Variants in GOLGA8A observed in about 807,000 individuals in gnomAD.
GOLGA8A encodes the protein golgin A8 family member A, also known as golgin subfamily A member 8A.
Under a neutral mutation model 22.1 loss-of-function variants are expected in GOLGA8A, and 3 were observed. The ratio of observed to expected loss-of-function variants is 0.14; its 90% CI spans 0.06 to 0.35. GOLGA8A has a LOEUF of 0.35. Ranked by LOEUF, GOLGA8A falls within the 10% of genes least tolerant of loss-of-function variation. The probability of loss-of-function intolerance (pLI) is 1.00; values close to 1 mark genes in which losing one functional copy is unlikely to be tolerated. For missense variants in GOLGA8A, 16 were observed against 233.2 expected (o/e 0.07, Z 6.07); for synonymous variants, 7 against 91.7 (o/e 0.08, Z 5.28).
intron 2 of GOLGA8A, among the ~76,000 whole-genome samples, chr15:34,432,300 C>G (rs770845904): frequency 6.7e-6 from 1 of 148,680 alleles, no homozygotes; most frequent in Non-Finnish European, 1.5e-5. Flanking sequence ...CTTTACGTGC[C>G]CACCAGTGGT....
intron 1 of GOLGA8A, among the ~76,000 whole-genome samples, chr15:34,436,433 A>G (rs949707503): frequency 3.3e-5 from 5 of 149,770 alleles, no homozygotes; most frequent in Admixed American, 2.7e-4. Flanking sequence ...AGCTGACTGC[A>G]CTCAACCACA....
At chr15:34,432,394 C>G (rs570055884) in intron 2 of GOLGA8A, among the ~76,000 whole-genome samples, 1 of 148,860 alleles carries the variant, frequency 6.7e-6, no homozygotes, top group East Asian at 2.0e-4. Flanking sequence ...AGAACACGGA[C>G]CTCACACTCT....
chr15:34,436,711 T>A (rs79362993), intron 1 of GOLGA8A, among the ~76,000 whole-genome samples: 2 of 149,316 alleles, frequency 1.3e-5, no homozygotes, highest in East Asian at 4.0e-4. Context: ...GGGGCCTCGA[T>A]GTTCTCCTTC....
intron 2 of GOLGA8A, chr15:34,409,617 AGTCTACCATGGCCCACCGGAAGC>A (rs1256118615): frequency 1.5e-4 from 82 of 531,942 alleles, no homozygotes; most frequent in Middle Eastern, 9.1e-4. Flanking sequence ...CCACCAGAAG[AGTCTACCATGGCCCACCGGAAGC>A]GTCTACCATG....
In GOLGA8A at chr15:34,385,723, CAAAG is replaced by C. The variant is rs1410259467; in HGVS notation, c.324+13_324+16del. ...ACCCAGCAGTCATGTCGCCAGCAAA[CAAAG>C]AAATCACGTTACTTCTTCCAGCTGA... is the stretch of plus-strand genomic sequence containing the variant. On this transcript the variant is annotated intron_variant, in intron 13 of 24. Transcript: ENST00000359187. 18 of 699,570 alleles carry C rather than the reference CAAAG, an allele frequency of 2.6e-5. No individual in the cohort carries two copies. Among genetic ancestry groups the C allele is most frequent in the African/African-American group, 9.0e-5 (3 of 33,270 alleles). 43.3% of individuals were successfully genotyped at this position (699,570 alleles called of 1,614,324 possible).
intron 2 of GOLGA8A, among the ~76,000 whole-genome samples, chr15:34,424,499 A>G (rs1168117419): frequency 1.4e-5 from 2 of 147,202 alleles, no homozygotes; most frequent in Admixed American, 1.4e-4. Context: ...GTGGGCAGGC[A>G]GTCCACAAAT....
Position 34,427,330 on chromosome 15 carries a change from CAAAA to C in GOLGA8A, c.-1123+8049_-1123+8052del, listed in dbSNP as rs67775520. Among the ~76,000 whole-genome samples, 76 of 78,830 alleles carry C rather than the reference CAAAA, an allele frequency of 9.6e-4. 3 individuals are homozygous for C. Among genetic ancestry groups the C allele is most frequent in the Middle Eastern group, 6.4e-3 (1 of 156 alleles). 51.7% of individuals were successfully genotyped at this position (78,830 alleles called of 152,430 possible). A position where few individuals can be genotyped will look rare whatever the true frequency, so the allele number is the denominator to read the frequency against. ...TGGGTGACAGAGTGAGACTCCGTCACAAAAAAAAAAAAAAAAAAAAAATTCACCA... is the reference window on the plus strand; with the variant it reads ...TGGGTGACAGAGTGAGACTCCGTCACAAAAAAAAAAAAAAAAAATTCACCA... On this transcript the variant is annotated intron_variant, in intron 2 of 24. Coordinates refer to ENST00000359187, the MANE Select transcript of GOLGA8A (RefSeq NM_181077.5).
intron 2 of GOLGA8A, chr15:34,419,976 G>T (rs1044136947): frequency 6.9e-6 from 1 of 144,416 alleles, no homozygotes; most frequent in Non-Finnish European, 1.5e-5. Flanking sequence ...GGGAGTTAGC[G>T]GACACAGAGT....
At chr15:34,425,413 A>T (rs1892944668) in intron 2 of GOLGA8A, among the ~76,000 whole-genome samples, 1 of 145,272 alleles carries the variant, frequency 6.9e-6, no homozygotes, top group Non-Finnish European at 1.5e-5. Context: ...TACATCCACA[A>T]ATCACACCGT....
At chr15:34,430,910 C>A (rs1343024536) in intron 2 of GOLGA8A, among the ~76,000 whole-genome samples, 1 of 149,246 alleles carries the variant, frequency 6.7e-6, no homozygotes, top group African/African-American at 2.5e-5. Context: ...CACGCCTGGC[C>A]CCACTGCACC....
intron 2 of GOLGA8A, among the ~76,000 whole-genome samples, chr15:34,426,910 G>C (rs1893006654): frequency 6.9e-6 from 1 of 144,300 alleles, no homozygotes; most frequent in African/African-American, 2.5e-5. Flanking sequence ...ACAGATGGCA[G>C]ATCTATTTAA....
At position 34,379,546 on chromosome 15, in the gene GOLGA8A, C is replaced by T. The variant is rs1891373417; in HGVS notation, c.*1865G>A. The T allele has an allele frequency of 6.6e-6, 1 of 152,576 alleles. No individual in the cohort carries two copies. The highest frequency in any genetic ancestry group is 2.1e-4 in the South Asian group (1 of 4,830). 9.5% of individuals were successfully genotyped at this position (152,576 alleles called of 1,614,324 possible). Reference sequence around the variant, plus strand: ...AAGTTACAAGGACCCAATATCTGCCCTCTTTCAGTGAATGCCGGCAAATCT... The same window carrying T: ...AAGTTACAAGGACCCAATATCTGCCTTCTTTCAGTGAATGCCGGCAAATCT... On this transcript the variant is annotated 3_prime_UTR_variant, in exon 25 of 25. Transcript: ENST00000359187.
chr15:34,421,677 TTA>T (rs1193319214), intron 2 of GOLGA8A, among the ~76,000 whole-genome samples: 1 of 142,640 alleles, frequency 7.0e-6, no homozygotes, highest in African/African-American at 2.6e-5. Flanking sequence ...GAAAAGCCAC[TTA>T]CCCCTTTTTC....
rs1455478384 is a variant in GOLGA8A, at chr15:34,387,058, T to TG, written c.169-318dup. On this transcript the variant is annotated intron_variant, in intron 11 of 24. Coordinates refer to ENST00000359187, the MANE Select transcript of GOLGA8A (RefSeq NM_181077.5). ...GCAACATTTTCTTTTCTGCCTATCT[T>TG]GGACCCTTTGTCCCATAACTCCTTT... 2 of 1,144,878 alleles carry TG rather than the reference T, an allele frequency of 1.7e-6. 1 individual carries two copies. Among genetic ancestry groups the TG allele is most frequent in the South Asian group, 2.6e-5 (2 of 76,942 alleles). The allele number at this position is 1,144,878 out of a possible 1,614,324, so 70.9% of individuals were successfully genotyped here. A position where few individuals can be genotyped will look rare whatever the true frequency, so the allele number is the denominator to read the frequency against.
chr15:34,421,167 T>C (rs1229495452), intron 2 of GOLGA8A, among the ~76,000 whole-genome samples: 2 of 138,008 alleles, frequency 1.4e-5, no homozygotes, highest in Non-Finnish European at 3.2e-5. Flanking sequence ...GTGGCTGGCC[T>C]GTCTGACATT....
chr15:34,380,198 T>C lies in GOLGA8A; in HGVS notation c.*1213A>G, dbSNP rs1405258593. 1.1e-4 allele frequency: 16 copies of C among 152,256 alleles called. No individual in the cohort carries two copies. The highest frequency in any genetic ancestry group is 1.6e-4 in the Non-Finnish European group (11 of 68,034). 9.4% of individuals were successfully genotyped at this position (152,256 alleles called of 1,614,324 possible). On this transcript the variant is annotated 3_prime_UTR_variant, in exon 25 of 25. Transcript: ENST00000359187. ...CTCAAGGAAAAGAAGTAAATTCCTA[T>C]GTCAGAGTAACCGAGGTGGTTGAAG... is the stretch of plus-strand genomic sequence containing the variant.
chr15:34,418,581 G>C (rs1413059331), intron 2 of GOLGA8A: 2 of 146,774 alleles, frequency 1.4e-5, no homozygotes, highest in Admixed American at 7.0e-5. Flanking sequence ...GGTGGGCAGA[G>C]ACCAGATGTG....
chr15:34,380,535 A>G lies in GOLGA8A; in HGVS notation c.*876T>C, dbSNP rs1891430644. On this transcript the variant is annotated 3_prime_UTR_variant, in exon 25 of 25. Transcript: ENST00000359187. ...GTAGATACAAATGCTCTAAGCTAGG[A>G]AAGGTTTTTCACACCCACAGCCAAT... 6.6e-6 allele frequency: 1 copy of G among 152,276 alleles called. No homozygotes were observed. Among genetic ancestry groups the G allele is most frequent in the African/African-American group, 2.4e-5 (1 of 41,450 alleles). 9.4% of individuals were successfully genotyped at this position (152,276 alleles called of 1,614,324 possible). A position where few individuals can be genotyped will look rare whatever the true frequency, so the allele number is the denominator to read the frequency against.
intron 2 of GOLGA8A, among the ~76,000 whole-genome samples, chr15:34,424,440 G>A (rs2644235): frequency 0.92 from 113,588 of 123,694 alleles, 52,758 homozygotes; most frequent in East Asian, 0.97. Context: ...AAAAAAATAC[G>A]AGAGGAAGAA....
Sources: allele counts gnomAD v4.1 joint callset (sites outside exome capture counted in the v4.1 genomes callset), GRCh38; gene constraint gnomAD v4.1.1; transcripts MANE v1.5; gene names NCBI Gene and HGNC (gene_info 2026-07-23, HGNC 2026-07-21).